F5: variants seen among roughly 807,000 people sequenced by gnomAD.
F5 encodes coagulation factor V.
F5 carries 138 observed loss-of-function variants against 216.4 expected under a neutral mutation model. That is an observed-to-expected ratio of 0.64 (90% CI 0.56 to 0.73). The LOEUF is 0.73. F5 is among the 30% of genes least tolerant of loss of function. The pLI, the probability that F5 is intolerant of heterozygous loss-of-function variation, is 0.00. For synonymous variants in F5, 916 were observed against 930.7 expected (o/e 0.98, Z 0.29); for missense variants, 2,403 against 2,674.0 (o/e 0.90, Z 2.24).
Position 169,546,426 on chromosome 1 carries a change from T to C in F5, c.1762+16A>G. ...GGAATGAAAAACTGATGAACAAAAA[T>C]AGTACTCTGACTTACTGCTCATGAT... On this transcript the variant is annotated intron_variant, in intron 11 of 24. Coordinates refer to ENST00000367797, the MANE Select transcript of F5 (RefSeq NM_000130.5). 6.2e-7 allele frequency: 1 copy of C among 1,614,006 alleles called. No individual in the cohort carries two copies. The highest frequency in any genetic ancestry group is 8.5e-7 in the Non-Finnish European group (1 of 1,179,938).
intron 16 of F5, 143 bp downstream of exon 16, chr1:169,529,465 G>T (rs962280743): frequency 5.3e-6 from 4 of 750,472 alleles, no homozygotes; most frequent in African/African-American, 5.3e-5. Flanking sequence ...CAGCCCTCTG[G>T]AATGTTAAGG....
At position 169,586,436 on chromosome 1, in the gene F5, C is replaced by G; in HGVS notation, c.-50G>C. The G allele has an allele frequency of 6.3e-7, 1 of 1,588,232 alleles. No homozygotes were observed. The highest frequency in any genetic ancestry group is 8.5e-7 in the Non-Finnish European group (1 of 1,171,538). On this transcript the variant is annotated 5_prime_UTR_variant, in exon 1 of 25. Coordinates refer to ENST00000367797, the MANE Select transcript of F5 (RefSeq NM_000130.5). ...TGCCACCACCCCAGGACCTGGGCAG[C>G]GCTTGCCGAGCTGCTAACCACACTC...
chr1:169,514,228 T>A lies in F5; in HGVS notation c.*85A>T, dbSNP rs572219654. 2.9e-6 allele frequency: 4 copies of A among 1,377,322 alleles called. No homozygotes were observed. In the East Asian group the frequency reaches 9.2e-5, roughly 32 times the overall value. The allele number at this position is 1,377,322 out of a possible 1,614,324, so 85.3% of individuals were successfully genotyped here. A position where few individuals can be genotyped will look rare whatever the true frequency, so the allele number is the denominator to read the frequency against. ...GAGAAATAGTGGAAAACTGTTAACATTTAACACAGCGTAAAATACATTGCC... is the reference window on the plus strand; with the variant it reads ...GAGAAATAGTGGAAAACTGTTAACAATTAACACAGCGTAAAATACATTGCC... On this transcript the variant is annotated 3_prime_UTR_variant, in exon 25 of 25. Coordinates refer to ENST00000367797, the MANE Select transcript of F5 (RefSeq NM_000130.5).
chr1:169,515,351 A>C (rs1659133661), intron 24 of F5, 93 bp downstream of exon 24: 14 of 1,398,826 alleles, frequency 1.0e-5, no homozygotes, highest in Non-Finnish European at 1.4e-5. Context: ...GAGGTGGTAC[A>C]TGTCACTGCA....
At chr1:169,569,155 A>G (rs1370197289) in intron 3 of F5, among the ~76,000 whole-genome samples, 2 of 152,130 alleles carry the variant, frequency 1.3e-5, no homozygotes, top group African/African-American at 2.4e-5. Flanking sequence ...AAGTCTCTAC[A>G]TAAGGCCAAA....
intron 14 of F5, among the ~76,000 whole-genome samples, chr1:169,531,816 A>T (rs16862280): frequency 0.025 from 3,851 of 151,870 alleles, 171 homozygotes; most frequent in African/African-American, 0.088. Context: ...GTGATTAAAG[A>T]CTCCCTAATT....
At chr1:169,521,093 A>T (rs908335634) in intron 21 of F5, among the ~76,000 whole-genome samples, 6 of 152,176 alleles carry the variant, frequency 3.9e-5, no homozygotes, top group Non-Finnish European at 8.8e-5. Context: ...TTCTCTAACC[A>T]AAGTACCAGT....
chr1:169,519,598 G>A (rs921500872), intron 22 of F5, among the ~76,000 whole-genome samples: 2 of 152,154 alleles, frequency 1.3e-5, no homozygotes, highest in African/African-American at 4.8e-5. Flanking sequence ...ACAGGAAACT[G>A]ATTCCAGGTT....
At chr1:169,543,480 TATATTA>T (rs564620044) in intron 12 of F5, among the ~76,000 whole-genome samples, 1 of 152,274 alleles carries the variant, frequency 6.6e-6, no homozygotes, top group Admixed American at 6.5e-5. Context: ...TATTTTAAAA[TATATTA>T]AGAAAGGGAT....
intron 2 of F5, among the ~76,000 whole-genome samples, chr1:169,580,388 G>GT (rs539235732): frequency 3.7e-3 from 507 of 138,038 alleles, no homozygotes; most frequent in South Asian, 6.6e-3. Flanking sequence ...TGTTGTTGTT[G>GT]TTTTTTTTTT....
Position 169,560,537 on chromosome 1 carries a change from G to A in F5, c.586+17C>T. 1 of 1,610,110 alleles carries A rather than the reference G, an allele frequency of 6.2e-7. No individual in the cohort carries two copies. The highest frequency in any genetic ancestry group is 1.1e-5 in the South Asian group (1 of 90,988). Reference sequence around the variant, plus strand: ...CCAACATTTAGTTGTTGAATCTTTTGGTGGGGGTGTTCTTACCTTTTTTAC... The same window carrying A: ...CCAACATTTAGTTGTTGAATCTTTTAGTGGGGGTGTTCTTACCTTTTTTAC... On this transcript the variant is annotated intron_variant, in intron 4 of 24. Transcript: ENST00000367797.
intron 14 of F5, among the ~76,000 whole-genome samples, chr1:169,535,358 G>T (rs1659679805): frequency 6.6e-6 from 1 of 151,936 alleles, no homozygotes; most frequent in Non-Finnish European, 1.5e-5. Flanking sequence ...TGTTTATTGT[G>T]GCTTTCGTGC....
intron 21 of F5, among the ~76,000 whole-genome samples, chr1:169,522,137 A>G (rs1002456593): frequency 1.3e-5 from 2 of 151,922 alleles, no homozygotes; most frequent in African/African-American, 2.4e-5. Flanking sequence ...ACCCAATATG[A>G]CATAGATAAT....
At chr1:169,549,717 C>A (rs1189023747) in intron 10 of F5, 84 bp downstream of exon 10, 1 of 936,836 alleles carries the variant, frequency 1.1e-6, no homozygotes. Context: ...AGGAAATGCC[C>A]CATTATTTAG....
At position 169,530,863 on chromosome 1, in the gene F5, G is replaced by A; in HGVS notation, c.5131C>T (p.His1711Tyr). 6.2e-7 allele frequency: 1 copy of A among 1,613,956 alleles called. No individual in the cohort carries two copies. The highest frequency in any genetic ancestry group is 2.2e-5 in the East Asian group (1 of 44,876). Residue 1711 changes from histidine to tyrosine, a missense_variant, in exon 15 of 25, where the codon CAT becomes TAT. Physicochemically the swap from His to Tyr is moderately conservative, Grantham distance 83. Transcript: ENST00000367797. ...QPNSSYTYVWHATERSGPESP... is the reference protein window; with the variant it reads ...QPNSSYTYVWYATERSGPESP... Reference sequence around the variant, plus strand: ...TCTGGCCCTGATCGCTCAGTGGCATGCCATACGTAGGTATAACTGCTATTT... The same window carrying A: ...TCTGGCCCTGATCGCTCAGTGGCATACCATACGTAGGTATAACTGCTATTT...
intron 3 of F5, among the ~76,000 whole-genome samples, chr1:169,563,800 T>C (rs1332773415): frequency 6.6e-6 from 1 of 152,060 alleles, no homozygotes; most frequent in Non-Finnish European, 1.5e-5. Flanking sequence ...TTCTGGAACA[T>C]ATTGAGAAGA....
intron 5 of F5, 55 bp from the exon 6 acceptor site, chr1:169,556,922 G>A (rs1256673041): frequency 6.7e-7 from 1 of 1,493,604 alleles, no homozygotes; most frequent in Non-Finnish European, 9.2e-7. Flanking sequence ...AGTACTCTGT[G>A]ATCAAACATT....
chr1:169,542,090 C>T lies in F5; in HGVS notation c.3000G>A (p.Lys1000=). The T allele has an allele frequency of 3.1e-6, 5 of 1,614,078 alleles. No individual in the cohort carries two copies. Among genetic ancestry groups the T allele is most frequent in the African/African-American group, 1.3e-5 (1 of 75,020 alleles). ...NKPGKQSGHP[K]FPRVRHKSLQ... ...GAGATTTATGTCTAACTCTAGGAAACTTTGGGTGGCCACTCTGCTTTCCAG... is the reference window on the plus strand; with the variant it reads ...GAGATTTATGTCTAACTCTAGGAAATTTTGGGTGGCCACTCTGCTTTCCAG... The change falls in exon 13 of 25, where the codon AAG becomes AAA. Residue 1000 remains lysine (K), a synonymous_variant. Transcript: ENST00000367797.
rs777997617 is a variant in F5, at chr1:169,556,800, T to G, written c.798A>C (p.Leu266Phe). 10 of 1,613,926 alleles carry G rather than the reference T, an allele frequency of 6.2e-6. No individual in the cohort carries two copies. Among genetic ancestry groups the G allele is most frequent in the Non-Finnish European group, 8.5e-6 (10 of 1,180,006 alleles). ...HLLGMSSGPE[L>F]FSIHFNGQVL... ...CCTGGCCGTTGAAATGAATGGAGAA[T>G]AATTCTGGCCCCGAGCTCATTCCCA... Residue 266 changes from leucine to phenylalanine, a missense_variant, in exon 6 of 25, where the codon TTA becomes TTC. Transcript: ENST00000367797.
Sources: gnomAD v4.1 joint callset for allele counts (sites outside exome capture counted in the v4.1 genomes callset) on GRCh38, gnomAD v4.1.1 for gene constraint, MANE v1.5 for transcripts, NCBI Gene and HGNC (gene_info 2026-07-23, HGNC 2026-07-21) for gene names.